Variants in FHIT observed in about 807,000 individuals in gnomAD.
The protein encoded by FHIT is bis(5'-adenosyl)-triphosphatase.
FHIT carries 19 observed loss-of-function variants against 17.9 expected under a neutral mutation model. The observed-to-expected ratio is 1.06, with a 90% CI of 0.74 to 1.56. The LOEUF is 1.56. Among genes scored for constraint, FHIT ranks in the 40% most tolerant of loss-of-function variants. FHIT has a pLI of 0.00. For missense variants in FHIT, 248 were observed against 189.2 expected (o/e 1.31, Z -1.82); for synonymous variants, 81 against 69.7 (o/e 1.16, Z -0.81).
chr3:60,204,458 G>GGT (rs1703070478), intron 5 of FHIT, among the ~76,000 whole-genome samples: 2 of 128,306 alleles, frequency 1.6e-5, no homozygotes, highest in East Asian at 2.1e-4. Flanking sequence ...TTTTTTTTTT[G>GGT]TTTTGTTTTT....
intron 7 of FHIT, among the ~76,000 whole-genome samples, chr3:59,928,994 C>CAAAAAAAAAAAAAAAAA (rs56107626): frequency 6.0e-5 from 2 of 33,122 alleles, no homozygotes; most frequent in African/African-American, 1.3e-4. Flanking sequence ...GACTTCATCT[C>CAAAAAAAAAAAAAAAAA]AAAAAAAAAA....
intron 5 of FHIT, among the ~76,000 whole-genome samples, chr3:60,255,635 C>T (rs938787882): frequency 6.6e-6 from 1 of 151,808 alleles, no homozygotes; most frequent in Non-Finnish European, 1.5e-5. Context: ...ATAAAAATTT[C>T]GGTGGCTAGT....
In FHIT at chr3:60,206,374, G is replaced by T. The variant is rs1193857508; in HGVS notation, c.104-192222C>A. Reference sequence around the variant, plus strand: ...GTGTATCTGAGCTTCAGATGTAAAGGAGCTCTTTCAGACTTCAGGGTTATG... The same window carrying T: ...GTGTATCTGAGCTTCAGATGTAAAGTAGCTCTTTCAGACTTCAGGGTTATG... On this transcript the variant is annotated intron_variant, in intron 5 of 9. Transcript: ENST00000492590. 3.9e-5 allele frequency among the ~76,000 whole-genome samples: 6 copies of T among 152,068 alleles called. No homozygotes were observed. The East Asian group carries it at 1.2e-3, about 29-fold the overall frequency.
At chr3:59,873,340 A>G (rs1292952479) in intron 8 of FHIT, among the ~76,000 whole-genome samples, 1 of 152,192 alleles carries the variant, frequency 6.6e-6, no homozygotes, top group Non-Finnish European at 1.5e-5. Context: ...CTCATCATTT[A>G]CTATATGCCT....
At chr3:60,367,910 C>A (rs1250801613) in intron 5 of FHIT, among the ~76,000 whole-genome samples, 1 of 152,128 alleles carries the variant, frequency 6.6e-6, no homozygotes, top group Non-Finnish European at 1.5e-5. Flanking sequence ...AAAGTATGTA[C>A]ACTTTGGTGT....
At chr3:59,929,543 T>G (rs749110409) in intron 7 of FHIT, among the ~76,000 whole-genome samples, 1 of 151,734 alleles carries the variant, frequency 6.6e-6, no homozygotes, top group Non-Finnish European at 1.5e-5. Context: ...GCTAATTTTT[T>G]TTTGCATTTT....
At chr3:61,081,737 G>T (rs1158390337) in intron 2 of FHIT, among the ~76,000 whole-genome samples, 1 of 152,006 alleles carries the variant, frequency 6.6e-6, no homozygotes, top group Non-Finnish European at 1.5e-5. Flanking sequence ...TTGCATTAAG[G>T]TTCCATCTTA....
At chr3:61,077,807 T>A (rs1277319293) in intron 2 of FHIT, among the ~76,000 whole-genome samples, 1 of 152,150 alleles carries the variant, frequency 6.6e-6, no homozygotes, top group Non-Finnish European at 1.5e-5. Context: ...GCAGGCACTA[T>A]CTTTGTTGAT....
Position 60,688,177 on chromosome 3 carries a change from C to G in FHIT, c.-18+133742G>C, listed in dbSNP as rs72874953. Among the ~76,000 whole-genome samples the G allele has an allele frequency of 9.9e-3, 1,513 of 152,214 alleles. 30 individuals carry two copies. Among genetic ancestry groups the G allele is most frequent in the African/African-American group, 0.035 (1,449 of 41,536 alleles). On this transcript the variant is annotated intron_variant, in intron 4 of 9. Coordinates refer to ENST00000492590, the MANE Select transcript of FHIT (RefSeq NM_002012.4). ...CAATGAGATTCAGCTTTACACAATGCTTTCACATTTATATTTCCTCTTTTC... is the reference window on the plus strand; with the variant it reads ...CAATGAGATTCAGCTTTACACAATGGTTTCACATTTATATTTCCTCTTTTC...
chr3:60,459,849 A>G (rs895805440), intron 5 of FHIT, among the ~76,000 whole-genome samples: 7 of 152,182 alleles, frequency 4.6e-5, no homozygotes, highest in Non-Finnish European at 8.8e-5. Context: ...CCGCATCCCA[A>G]TTTCAGAAAT....
intron 4 of FHIT, among the ~76,000 whole-genome samples, chr3:60,662,889 A>G (rs2040292213): frequency 6.6e-6 from 1 of 151,572 alleles, no homozygotes; most frequent in Non-Finnish European, 1.5e-5. Context: ...TCTATGATCC[A>G]CTTTGAGTTA....
intron 2 of FHIT, among the ~76,000 whole-genome samples, chr3:61,188,689 T>C (rs1480424483): frequency 6.6e-6 from 1 of 152,092 alleles, no homozygotes. Flanking sequence ...CTCAATAAAA[T>C]ACTGGCAAAC....
At chr3:60,478,750 C>G (rs1418165015) in intron 5 of FHIT, among the ~76,000 whole-genome samples, 1 of 152,142 alleles carries the variant, frequency 6.6e-6, no homozygotes, top group Non-Finnish European at 1.5e-5. Flanking sequence ...AAAAGGTGCT[C>G]CATTTTTTTG....
chr3:60,735,495 G>A (rs1480408719), intron 4 of FHIT, among the ~76,000 whole-genome samples: 1 of 152,194 alleles, frequency 6.6e-6, no homozygotes, highest in Non-Finnish European at 1.5e-5. Context: ...GAGAACTACT[G>A]AAGGAACTAT....
At chr3:60,683,268 G>T (rs1358384405) in intron 4 of FHIT, among the ~76,000 whole-genome samples, 2 of 152,126 alleles carry the variant, frequency 1.3e-5, no homozygotes, top group African/African-American at 4.8e-5. Flanking sequence ...TTTTATTGTG[G>T]GTAAAATGCT....
intron 8 of FHIT, among the ~76,000 whole-genome samples, chr3:59,838,531 T>A (rs1701417832): frequency 1.3e-5 from 2 of 152,184 alleles, no homozygotes; most frequent in Non-Finnish European, 2.9e-5. Context: ...TCCCAAGGCC[T>A]TCCTGATCCC....
chr3:60,989,721 C>T (rs937675694), intron 3 of FHIT, among the ~76,000 whole-genome samples: 3 of 152,140 alleles, frequency 2.0e-5, no homozygotes, highest in Non-Finnish European at 4.4e-5. Flanking sequence ...GCTTTTGACT[C>T]TTTTATGTTT....
intron 2 of FHIT, among the ~76,000 whole-genome samples, chr3:61,193,232 G>A (rs572638622): frequency 4.2e-4 from 64 of 152,332 alleles, no homozygotes; most frequent in Non-Finnish European, 7.9e-4. Context: ...AGTACAGTAA[G>A]GATTGGGCTT....
At chr3:59,837,601 T>C (rs981040161) in intron 8 of FHIT, among the ~76,000 whole-genome samples, 4 of 152,150 alleles carry the variant, frequency 2.6e-5, no homozygotes, top group Admixed American at 2.6e-4. Flanking sequence ...AAATTCAGGA[T>C]TACACAAGTA....
Sources: gnomAD v4.1 joint callset for allele counts (sites outside exome capture counted in the v4.1 genomes callset) on GRCh38, gnomAD v4.1.1 for gene constraint, MANE v1.5 for transcripts, NCBI Gene and HGNC (gene_info 2026-07-23, HGNC 2026-07-21) for gene names.